The following ZNF423 variants were observed in gnomAD, a reference collection of about 807,000 sequenced individuals.
The protein encoded by ZNF423 is Ebf-associated zinc finger protein.
Under a neutral mutation model 95.8 loss-of-function variants are expected in ZNF423, and 12 were observed. The ratio of observed to expected loss-of-function variants is 0.13; its 90% CI spans 0.08 to 0.20. The LOEUF (loss-of-function observed/expected upper bound fraction) is 0.20, where lower values mean the gene tolerates loss of function less well. ZNF423 is among the 10% of genes least tolerant of loss of function. The pLI is 1.00. For synonymous variants in ZNF423, 749 were observed against 711.9 expected, an observed-to-expected ratio of 1.05 and a Z score of -0.83; for missense variants, 1,316 against 1,737.1, an observed-to-expected ratio of 0.76 and a Z score of 4.31.
chr16:49,544,233 T>C (rs973205742), intron 5 of ZNF423, among the ~76,000 whole-genome samples: 1 of 152,174 alleles, frequency 6.6e-6, no homozygotes, highest in African/African-American at 2.4e-5. Context: ...AGTGCTTGCC[T>C]TTGAGGGAGG....
intron 3 of ZNF423, among the ~76,000 whole-genome samples, chr16:49,724,182 A>G (rs995204573): frequency 9.9e-5 from 15 of 152,140 alleles, no homozygotes; most frequent in African/African-American, 3.6e-4. Context: ...CCCCACCATA[A>G]TTGATTTTGT....
At chr16:49,673,328 C>T (rs140156808) in intron 3 of ZNF423, among the ~76,000 whole-genome samples, 38 of 152,328 alleles carry the variant, frequency 2.5e-4, no homozygotes, top group African/African-American at 8.4e-4. Flanking sequence ...AATTTTTTCA[C>T]CCACTGGGAA....
intron 1 of ZNF423, among the ~76,000 whole-genome samples, chr16:49,792,018 A>AAAAAG (rs57175853): frequency 0.16 from 21,292 of 136,454 alleles, 1,987 homozygotes; most frequent in East Asian, 0.24. Context: ...AAAAAAAAAA[A>AAAAAG]AAAGAAAGAA....
chr16:49,550,069 T>G (rs2151751629), intron 5 of ZNF423, among the ~76,000 whole-genome samples: 1 of 152,316 alleles, frequency 6.6e-6, no homozygotes, highest in East Asian at 1.9e-4. Flanking sequence ...AGTCTTGCTA[T>G]GTTGTCCAAG....
chr16:49,800,263 T>C (rs552726012), intron 1 of ZNF423, among the ~76,000 whole-genome samples: 169 of 151,720 alleles, frequency 1.1e-3, no homozygotes, highest in African/African-American at 3.9e-3. Flanking sequence ...AAAAAAGATA[T>C]TTTTCTGTAG....
intron 3 of ZNF423, among the ~76,000 whole-genome samples, chr16:49,684,526 T>C (rs2031488439): frequency 6.6e-6 from 1 of 152,186 alleles, no homozygotes; most frequent in South Asian, 2.1e-4. Context: ...AACCTCCCCA[T>C]GGTCTGCCCA....
At chr16:49,854,258 C>A in intron 1 of ZNF423, 1 of 985,400 alleles carries the variant, frequency 1.0e-6, no homozygotes, top group Non-Finnish European at 1.2e-6. Context: ...GGAGTAGGAA[C>A]GGGCCGGGCG....
chr16:49,767,200 C>T (rs573722308), intron 2 of ZNF423, among the ~76,000 whole-genome samples: 113 of 152,190 alleles, frequency 7.4e-4, no homozygotes, highest in African/African-American at 2.6e-3. Flanking sequence ...AAGTTATCCT[C>T]CTGCATCGGC....
chr16:49,648,140 T>C (rs985811627), intron 3 of ZNF423, among the ~76,000 whole-genome samples: 1 of 152,168 alleles, frequency 6.6e-6, no homozygotes, highest in Non-Finnish European at 1.5e-5. Context: ...ATATGGATAT[T>C]AATAAAGGCA....
chr16:49,828,694 T>C (rs923674436), intron 1 of ZNF423, among the ~76,000 whole-genome samples: 2 of 152,200 alleles, frequency 1.3e-5, no homozygotes, highest in Non-Finnish European at 2.9e-5. Context: ...AAAGAGCCCC[T>C]GGGCGGGCGC....
intron 1 of ZNF423, among the ~76,000 whole-genome samples, chr16:49,796,146 C>T (rs1175132371): frequency 6.6e-6 from 1 of 152,078 alleles, no homozygotes; most frequent in Non-Finnish European, 1.5e-5. Context: ...GTATAGAGCT[C>T]CCCCTAATGC....
At chr16:49,545,198 AT>A (rs1969397415) in intron 5 of ZNF423, among the ~76,000 whole-genome samples, 1 of 152,168 alleles carries the variant, frequency 6.6e-6, no homozygotes, top group African/African-American at 2.4e-5. Flanking sequence ...AGTAAGCTGG[AT>A]GGAGGTGGCA....
At chr16:49,799,286 C>G (rs2034545471) in intron 1 of ZNF423, among the ~76,000 whole-genome samples, 1 of 152,216 alleles carries the variant, frequency 6.6e-6, no homozygotes, top group African/African-American at 2.4e-5. Context: ...GCTCATGTTA[C>G]TGGGATAATT....
chr16:49,852,455 T>C (rs1861649), intron 1 of ZNF423, among the ~76,000 whole-genome samples: 27,733 of 152,090 alleles, frequency 0.18, 2,723 homozygotes, highest in African/African-American at 0.25. Flanking sequence ...ACAGGCCTCC[T>C]TAATGTTGAG....
chr16:49,657,556 C>T (rs1026140105), intron 3 of ZNF423, among the ~76,000 whole-genome samples: 15 of 152,174 alleles, frequency 9.9e-5, no homozygotes, highest in African/African-American at 3.6e-4. Flanking sequence ...GAGGTGATGC[C>T]CCCAGGGGCA....
At position 49,626,545 on chromosome 16, in the gene ZNF423, CAAA is replaced by C. The variant is rs1972277785; in HGVS notation, c.3517-294_3517-292del. 3.9e-5 allele frequency among the ~76,000 whole-genome samples: 6 copies of C among 152,168 alleles called. No individual in the cohort carries two copies. In the South Asian group the frequency reaches 1.2e-3, roughly 32 times the overall value. On this transcript the variant is annotated intron_variant, in intron 4 of 7. Coordinates refer to ENST00000563137, the MANE Select transcript of ZNF423 (RefSeq NM_001379286.1). ...GGGGAGGCCTCCTTGCTTAGAAGGGCAAATCCATCTACCCATGCCCCCATCCAT... is the reference window on the plus strand; with the variant it reads ...GGGGAGGCCTCCTTGCTTAGAAGGGCTCCATCTACCCATGCCCCCATCCAT...
At chr16:49,675,813 T>C (rs2031020818) in intron 3 of ZNF423, among the ~76,000 whole-genome samples, 2 of 151,962 alleles carry the variant, frequency 1.3e-5, no homozygotes, top group East Asian at 1.9e-4. Context: ...TGTACACAAA[T>C]GTAAAAGCAT....
At position 49,488,071 on chromosome 16, in the gene ZNF423, G is replaced by A. The variant is rs1383211392; in HGVS notation, c.*3204C>T. 1 of 152,180 alleles carries A rather than the reference G, an allele frequency of 6.6e-6. No homozygotes were observed. The highest frequency in any genetic ancestry group is 2.4e-5 in the African/African-American group (1 of 41,420). 9.4% of individuals were successfully genotyped at this position (152,180 alleles called of 1,614,324 possible). On this transcript the variant is annotated 3_prime_UTR_variant, in exon 8 of 8. Coordinates refer to ENST00000563137, the MANE Select transcript of ZNF423 (RefSeq NM_001379286.1). ...TGCCCTGTGCAGTGCCTGGCACCTG[G>A]GGGCAGCTCAGTAAATACTTGCTGA...
chr16:49,554,343 C>T (rs535092408), intron 5 of ZNF423, among the ~76,000 whole-genome samples: 2 of 152,116 alleles, frequency 1.3e-5, no homozygotes, highest in African/African-American at 2.4e-5. Context: ...TGCCATAGCT[C>T]GGAGGCAAGA....
Sources: allele counts gnomAD v4.1 joint callset (sites outside exome capture counted in the v4.1 genomes callset), GRCh38; gene constraint gnomAD v4.1.1; transcripts MANE v1.5; gene names NCBI Gene and HGNC (gene_info 2026-07-23, HGNC 2026-07-21).